Variants in SLX4IP observed in about 807,000 individuals in gnomAD.
The protein encoded by SLX4IP is SLX4 interacting protein, also known as protein SLX4IP.
In SLX4IP, 34 loss-of-function variants were observed where a neutral mutation model predicts 32.9. That is an observed-to-expected ratio of 1.03 (90% CI 0.79 to 1.38). The LOEUF is 1.38. SLX4IP is among the 40% of genes most tolerant of loss of function. The pLI is 0.00. For missense variants in SLX4IP, 444 were observed against 479.0 expected (o/e 0.93, Z 0.68); for synonymous variants, 172 against 171.7 (o/e 1.00, Z -0.01).
At chr20:10,544,077 C>T (rs781129329) in intron 2 of SLX4IP, among the ~76,000 whole-genome samples, 6 of 152,114 alleles carry the variant, frequency 3.9e-5, no homozygotes, top group African/African-American at 1.4e-4. Context: ...TCCCAGTGGT[C>T]GAGCCAGGCT....
At chr20:10,504,749 G>A (rs1253436665) in intron 2 of SLX4IP, among the ~76,000 whole-genome samples, 1 of 152,158 alleles carries the variant, frequency 6.6e-6, no homozygotes, top group Admixed American at 6.5e-5. Context: ...ATGTTAAATG[G>A]CTGTGATCCA....
intron 1 of SLX4IP, among the ~76,000 whole-genome samples, chr20:10,436,351 C>CCTTT (rs1321592828): frequency 3.0e-5 from 4 of 134,476 alleles, no homozygotes; most frequent in African/African-American, 5.1e-5. Flanking sequence ...AAGATACAGC[C>CCTTT]CTTTCTTTCT....
intron 2 of SLX4IP, among the ~76,000 whole-genome samples, chr20:10,472,781 T>C (rs2065436917): frequency 1.3e-5 from 2 of 152,202 alleles, no homozygotes; most frequent in African/African-American, 4.8e-5. Flanking sequence ...ACCCAGAAGG[T>C]GTTAGCACCC....
chr20:10,474,424 A>G (rs2065456062), intron 2 of SLX4IP, among the ~76,000 whole-genome samples: 1 of 152,236 alleles, frequency 6.6e-6, no homozygotes, highest in South Asian at 2.1e-4. Context: ...GGAGTCATTA[A>G]TGCCATTTAA....
At chr20:10,552,327 A>G (rs1180988000) in intron 2 of SLX4IP, among the ~76,000 whole-genome samples, 1 of 152,130 alleles carries the variant, frequency 6.6e-6, no homozygotes, top group East Asian at 1.9e-4. Context: ...GAGACTAGAA[A>G]TAACCTTCTC....
chr20:10,512,731 A>ATATAG (rs2065818284), intron 2 of SLX4IP, among the ~76,000 whole-genome samples: 1 of 117,526 alleles, frequency 8.5e-6, no homozygotes, highest in Admixed American at 9.5e-5. Context: ...TATATAGTAT[A>ATATAG]TGTATTGTGT....
chr20:10,510,469 G>A (rs901157167), intron 2 of SLX4IP, among the ~76,000 whole-genome samples: 5 of 152,312 alleles, frequency 3.3e-5, no homozygotes, highest in Non-Finnish European at 5.9e-5. Context: ...TAGTATCAGC[G>A]GGGAGCACGG....
Position 10,483,571 on chromosome 20 carries a change from A to G in SLX4IP, c.27+25340A>G, listed in dbSNP as rs150164115. Among the ~76,000 whole-genome samples, 465 of 152,352 alleles carry G rather than the reference A, an allele frequency of 3.1e-3. 3 individuals carry two copies. Among genetic ancestry groups the G allele is most frequent in the African/African-American group, 0.011 (456 of 41,578 alleles). On this transcript the variant is annotated intron_variant, in intron 2 of 7. Coordinates refer to ENST00000334534, the MANE Select transcript of SLX4IP (RefSeq NM_001009608.3). Reference sequence around the variant, plus strand: ...CCTCATGAATGTTGCAAAAATGCAAATTAATTTTAATTACATATTACAATT... The same window carrying G: ...CCTCATGAATGTTGCAAAAATGCAAGTTAATTTTAATTACATATTACAATT...
Position 10,598,697 on chromosome 20 carries a change from C to T in SLX4IP, c.261C>T (p.Ala87=), listed in dbSNP as rs780608989. 1.4e-5 allele frequency: 22 copies of T among 1,614,038 alleles called. No individual in the cohort carries two copies. In the Admixed American group the frequency reaches 3.7e-4, roughly 27 times the overall value. Residue 87 remains alanine, a synonymous_variant, in exon 5 of 8, where the codon GCC becomes GCT. Coordinates refer to ENST00000334534, the MANE Select transcript of SLX4IP (RefSeq NM_001009608.3). ...SLKGYGFQIT[A]YFLKRGIRLR... ...CAGGTTATGGCTTTCAAATCACAGC[C>T]TATTTCCTCAAGAGAGGGATACGCC... is the stretch of plus-strand genomic sequence containing the variant.
At chr20:10,545,112 C>T (rs1055639200) in intron 2 of SLX4IP, among the ~76,000 whole-genome samples, 5 of 152,030 alleles carry the variant, frequency 3.3e-5, no homozygotes, top group East Asian at 1.9e-4. Flanking sequence ...CTCTGGGAAC[C>T]GGCTGCTGGT....
At chr20:10,436,875 T>C (rs1478893544) in intron 1 of SLX4IP, among the ~76,000 whole-genome samples, 1 of 152,120 alleles carries the variant, frequency 6.6e-6, no homozygotes, top group Non-Finnish European at 1.5e-5. Context: ...ATCTGAAATG[T>C]AGGGTTTTCT....
At chr20:10,522,707 C>G (rs2065909935) in intron 2 of SLX4IP, among the ~76,000 whole-genome samples, 1 of 152,220 alleles carries the variant, frequency 6.6e-6, no homozygotes, top group Admixed American at 6.5e-5. Context: ...CAGCTGGCTG[C>G]TACTGGTCCT....
At chr20:10,469,788 G>A (rs577473381) in intron 2 of SLX4IP, among the ~76,000 whole-genome samples, 4 of 152,160 alleles carry the variant, frequency 2.6e-5, no homozygotes, top group Non-Finnish European at 5.9e-5. Flanking sequence ...TCGTTGGCTC[G>A]TGCCCACGTT....
chr20:10,579,116 TATC>T (rs1241204131), intron 4 of SLX4IP, among the ~76,000 whole-genome samples: 3 of 152,204 alleles, frequency 2.0e-5, no homozygotes, highest in Non-Finnish European at 2.9e-5. Context: ...GTGCTTTTGA[TATC>T]ATATCTAAGA....
chr20:10,480,007 A>G (rs891182650), intron 2 of SLX4IP, among the ~76,000 whole-genome samples: 10 of 152,112 alleles, frequency 6.6e-5, no homozygotes, highest in Admixed American at 3.3e-4. Context: ...CATCTAGAAC[A>G]AACAAACAAA....
intron 2 of SLX4IP, among the ~76,000 whole-genome samples, chr20:10,509,130 C>A (rs1006348982): frequency 6.6e-6 from 1 of 152,220 alleles, no homozygotes; most frequent in African/African-American, 2.4e-5. Flanking sequence ...CCCACAACGT[C>A]TGACCTAGTG....
chr20:10,590,709 A>C (rs1808285367), intron 4 of SLX4IP, among the ~76,000 whole-genome samples: 1 of 152,194 alleles, frequency 6.6e-6, no homozygotes, highest in Non-Finnish European at 1.5e-5. Flanking sequence ...ATTTTAACGT[A>C]GAAAAACATG....
At chr20:10,538,111 C>T (rs1052047069) in intron 2 of SLX4IP, among the ~76,000 whole-genome samples, 1 of 152,094 alleles carries the variant, frequency 6.6e-6, no homozygotes, top group African/African-American at 2.4e-5. Flanking sequence ...CTAAGAGGAC[C>T]CTTTCTTTGT....
At chr20:10,539,379 G>A (rs1241963534) in intron 2 of SLX4IP, among the ~76,000 whole-genome samples, 2 of 152,142 alleles carry the variant, frequency 1.3e-5, no homozygotes, top group African/African-American at 4.8e-5. Flanking sequence ...ATTTATCAGT[G>A]TTCACAAAGC....
Sources: allele counts gnomAD v4.1 joint callset (sites outside exome capture counted in the v4.1 genomes callset), GRCh38; gene constraint gnomAD v4.1.1; transcripts MANE v1.5; gene names NCBI Gene and HGNC (gene_info 2026-07-23, HGNC 2026-07-21).